The following MYO1B variants were observed in gnomAD, a reference collection of about 807,000 sequenced individuals.
The protein encoded by MYO1B is myosin IB.
In MYO1B, 72 loss-of-function variants were observed where a neutral mutation model predicts 159.7. That is an observed-to-expected ratio of 0.45 (90% CI 0.37 to 0.55). The LOEUF is 0.55. Among genes scored for constraint, MYO1B ranks in the 20% least tolerant of loss-of-function variants. The pLI, the probability that MYO1B is intolerant of heterozygous loss-of-function variation, is 0.00. For missense variants in MYO1B, 1,062 were observed against 1,364.8 expected (o/e 0.78, Z 3.50); for synonymous variants, 468 against 473.8 (o/e 0.99, Z 0.16).
At chr2:191,383,409 C>T (rs991528393) in intron 15 of MYO1B, 67 bp downstream of exon 15, 1 of 754,908 alleles carries the variant, frequency 1.3e-6, no homozygotes, top group Non-Finnish European at 1.9e-6. Context: ...TAAATGTTCT[C>T]AGTGCCTCAA....
Position 191,364,153 on chromosome 2 carries a change from C to G in MYO1B, c.914-5C>G, listed in dbSNP as rs139984610. 8.1e-4 allele frequency: 1,301 copies of G among 1,612,262 alleles called. 12 individuals carry two copies. In the African/African-American group the frequency reaches 0.014, roughly 18 times the overall value. ...TTTTTGTGTCCATCCCCTGCCTTCCCACAGAGTTAAAAGAAATTTGTGAAT... is the reference window on the plus strand; with the variant it reads ...TTTTTGTGTCCATCCCCTGCCTTCCGACAGAGTTAAAAGAAATTTGTGAAT... On this transcript the variant is annotated splice_region_variant and splice_polypyrimidine_tract_variant and intron_variant, in intron 10 of 30. Coordinates refer to ENST00000392318, the MANE Select transcript of MYO1B (RefSeq NM_001130158.3).
intron 30 of MYO1B, among the ~76,000 whole-genome samples, chr2:191,422,088 A>G (rs1415593886): frequency 6.6e-6 from 1 of 152,208 alleles, no homozygotes; most frequent in Admixed American, 6.5e-5. Flanking sequence ...TGAAACTGAA[A>G]CTAATGGATA....
chr2:191,326,091 G>A lies in MYO1B; in HGVS notation c.252-3844G>A, dbSNP rs57871458. Among the ~76,000 whole-genome samples, 761 of 152,278 alleles carry A rather than the reference G, an allele frequency of 5.0e-3. 9 individuals carry two copies. Among genetic ancestry groups the A allele is most frequent in the African/African-American group, 0.017 (713 of 41,554 alleles). The stretch of plus-strand genomic sequence containing the variant: ...ACTAAAACTGTGTTTACTCCCTTAC[G>A]CTATCGTCATTATATTATAATTAAC... On this transcript the variant is annotated intron_variant, in intron 3 of 30. Transcript: ENST00000392318.
intron 7 of MYO1B, among the ~76,000 whole-genome samples, chr2:191,356,606 G>A (rs1693308609): frequency 6.6e-6 from 1 of 152,046 alleles, no homozygotes; most frequent in Non-Finnish European, 1.5e-5. Context: ...TACAAATATT[G>A]AAGAAACCAG....
At chr2:191,320,176 GC>G (rs564182430) in intron 3 of MYO1B, among the ~76,000 whole-genome samples, 5 of 152,222 alleles carry the variant, frequency 3.3e-5, no homozygotes, top group Admixed American at 2.6e-4. Context: ...TTTTCAACAG[GC>G]AACACGGACC....
chr2:191,335,805 C>T (rs1164594542), intron 4 of MYO1B, among the ~76,000 whole-genome samples: 2 of 152,124 alleles, frequency 1.3e-5, no homozygotes, highest in East Asian at 1.9e-4. Context: ...CATAAACCCT[C>T]CTTGGCAGAT....
chr2:191,273,457 A>G (rs1317567249), intron 1 of MYO1B, among the ~76,000 whole-genome samples: 1 of 152,058 alleles, frequency 6.6e-6, no homozygotes, highest in East Asian at 1.9e-4. Context: ...GTCCTCCTCC[A>G]TGTGTCGTCT....
rs749009343 is a variant in MYO1B at position 191,363,826 on chromosome 2, C to T, written c.864C>T (p.Pro288=). 12 of 1,613,342 alleles carry T rather than the reference C, an allele frequency of 7.4e-6. No homozygotes were observed. The highest frequency in any genetic ancestry group is 9.3e-6 in the Non-Finnish European group (11 of 1,179,884). The change falls in exon 10 of 31, where the codon CCC becomes CCT. Residue 288 remains proline, a synonymous_variant. Transcript: ENST00000392318. ...AACTGGGGAACATTGAGTTCAAGCC[C>T]GAATCTCGAGTGAATGGTCTAGATG... The part of the protein sequence containing the change: ...VLKLGNIEFK[P]ESRVNGLDES...
intron 3 of MYO1B, among the ~76,000 whole-genome samples, chr2:191,301,021 A>G (rs942291645): frequency 2.6e-5 from 4 of 152,080 alleles, no homozygotes; most frequent in Non-Finnish European, 4.4e-5. Flanking sequence ...TCCCCCAAAC[A>G]TGGAACTCCT....
At chr2:191,260,508 A>G (rs1401166498) in intron 1 of MYO1B, among the ~76,000 whole-genome samples, 2 of 151,984 alleles carry the variant, frequency 1.3e-5, no homozygotes, top group Admixed American at 6.6e-5. Context: ...TTTTTACACA[A>G]AAGAACATAT....
At chr2:191,401,666 A>T (rs1020328915) in intron 23 of MYO1B, 1 of 152,224 alleles carries the variant, frequency 6.6e-6, no homozygotes, top group Non-Finnish European at 1.5e-5. Flanking sequence ...TTGTAAGCCT[A>T]TCTTATGAGA....
At chr2:191,252,161 T>A (rs569937415) in intron 1 of MYO1B, among the ~76,000 whole-genome samples, 2 of 152,362 alleles carry the variant, frequency 1.3e-5, no homozygotes, top group East Asian at 3.9e-4. Context: ...ATTTTTGTGA[T>A]CCTCATATTA....
rs1390976151 is a variant in MYO1B at position 191,404,229 on chromosome 2, C to A, written c.2556+1511C>A. ...AGTGCAGTGGGCCTTTTTAAGACTC[C>A]CAGTTCCCCAGGGGGCACCATCGTA... On this transcript the variant is annotated intron_variant, in intron 24 of 30. Coordinates refer to ENST00000392318, the MANE Select transcript of MYO1B (RefSeq NM_001130158.3). 2.6e-5 allele frequency among the ~76,000 whole-genome samples: 4 copies of A among 152,164 alleles called. No homozygotes were observed. The South Asian group carries it at 8.3e-4, about 32-fold the overall frequency.
intron 4 of MYO1B, among the ~76,000 whole-genome samples, chr2:191,337,511 A>G (rs561121457): frequency 1.3e-5 from 2 of 152,284 alleles, no homozygotes; most frequent in East Asian, 3.9e-4. Flanking sequence ...CCCTTTGTCC[A>G]TTAGTGAGGA....
intron 17 of MYO1B, among the ~76,000 whole-genome samples, chr2:191,388,543 T>C (rs1695540920): frequency 6.6e-6 from 1 of 152,150 alleles, no homozygotes; most frequent in African/African-American, 2.4e-5. Context: ...TTGTGTTTAG[T>C]TTGTGTGCCT....
At chr2:191,362,941 T>C (rs1007368273) in intron 9 of MYO1B, among the ~76,000 whole-genome samples, 2 of 152,170 alleles carry the variant, frequency 1.3e-5, no homozygotes, top group African/African-American at 4.8e-5. Context: ...GGATGAATTA[T>C]AGATAAAACA....
intron 2 of MYO1B, among the ~76,000 whole-genome samples, chr2:191,279,414 C>T (rs1687923722): frequency 6.7e-6 from 1 of 150,160 alleles, no homozygotes; most frequent in Admixed American, 6.7e-5. Flanking sequence ...ATGTTACCTT[C>T]AGGTACCATA....
chr2:191,363,866 GATAAAA>G lies in MYO1B; in HGVS notation c.907_912del (p.Lys303_Asn304del). 6.2e-7 allele frequency: 1 copy of G among 1,613,572 alleles called. No individual in the cohort carries two copies. Among genetic ancestry groups the G allele is most frequent in the Non-Finnish European group, 8.5e-7 (1 of 1,179,862 alleles). ...TGGTCTAGATGAAAGCAAAATCAAAGATAAAAATGGTACATCCGTGGAGAATCAACT... is the reference window on the plus strand; with the variant it reads ...TGGTCTAGATGAAAGCAAAATCAAAGATGGTACATCCGTGGAGAATCAACT... On this transcript the variant is annotated inframe_deletion, in exon 10 of 31. Transcript: ENST00000392318.
At chr2:191,271,995 A>G (rs543622211) in intron 1 of MYO1B, among the ~76,000 whole-genome samples, 2 of 152,284 alleles carry the variant, frequency 1.3e-5, no homozygotes, top group South Asian at 2.1e-4. Flanking sequence ...TTCAGATGCT[A>G]TAGGTTGTTT....
Sources: allele counts gnomAD v4.1 joint callset (sites outside exome capture counted in the v4.1 genomes callset), GRCh38; gene constraint gnomAD v4.1.1; transcripts MANE v1.5; gene names NCBI Gene and HGNC (gene_info 2026-07-23, HGNC 2026-07-21).